MRRF: variants seen among roughly 807,000 people sequenced by gnomAD.
MRRF encodes ribosome-recycling factor, mitochondrial.
In MRRF, 18 loss-of-function variants were observed where a neutral mutation model predicts 25.1. That is an observed-to-expected ratio of 0.72 (90% CI 0.50 to 1.06). MRRF has a LOEUF of 1.06. Ranked by LOEUF, MRRF falls within the 50% of genes least tolerant of loss-of-function variation. The probability of loss-of-function intolerance (pLI) is 0.00; values close to 1 mark genes in which losing one functional copy is unlikely to be tolerated. For missense variants in MRRF, 323 were observed against 319.3 expected (o/e 1.01, Z -0.09); for synonymous variants, 113 against 112.1 (o/e 1.01, Z -0.05).
At chr9:122,266,024 T>C (rs1587990863) in intron 1 of MRRF, among the ~76,000 whole-genome samples, 1 of 152,198 alleles carries the variant, frequency 6.6e-6, no homozygotes, top group South Asian at 2.1e-4. Context: ...GAACCTACCA[T>C]AATAGTAAGG....
At chr9:122,309,241 C>T (rs913567633) in intron 5 of MRRF, among the ~76,000 whole-genome samples, 1 of 152,170 alleles carries the variant, frequency 6.6e-6, no homozygotes, top group Non-Finnish European at 1.5e-5. Flanking sequence ...ATCACATTCT[C>T]ATTTCTTTTT....
chr9:122,279,622 A>G (rs889363901), intron 2 of MRRF, among the ~76,000 whole-genome samples: 3 of 152,232 alleles, frequency 2.0e-5, no homozygotes, highest in Admixed American at 6.5e-5. Flanking sequence ...CACAGAAATT[A>G]TCTATGTATA....
rs1832414764 is a variant in MRRF, at chr9:122,270,982, C to G, written c.91C>G (p.Leu31Val). ...TATCAGACCCGTTTCAGAAGTTACA[C>G]TGAAGACAGTGCATGAAAGACAACA... Reference protein sequence around the residue: ...ASIRPVSEVTLKTVHERQHGH... With the variant: ...ASIRPVSEVTVKTVHERQHGH... The change falls in exon 2 of 7, where the codon CTG becomes GTG. Residue 31 changes from leucine to valine, a missense_variant. Coordinates refer to ENST00000344641, the MANE Select transcript of MRRF (RefSeq NM_138777.5). 1 of 1,614,210 alleles carries G rather than the reference C, an allele frequency of 6.2e-7. No individual in the cohort carries two copies. The highest frequency in any genetic ancestry group is 8.5e-7 in the Non-Finnish European group (1 of 1,180,016).
At chr9:122,275,090 ACCT>A (rs1318770098) in intron 2 of MRRF, among the ~76,000 whole-genome samples, 1 of 146,494 alleles carries the variant, frequency 6.8e-6, no homozygotes, top group Non-Finnish European at 1.5e-5. Flanking sequence ...TTACATAGTT[ACCT>A]CCTTTTTTTT....
chr9:122,282,253 A>T (rs963212936), intron 3 of MRRF, among the ~76,000 whole-genome samples: 1 of 152,184 alleles, frequency 6.6e-6, no homozygotes, highest in Non-Finnish European at 1.5e-5. Context: ...TATCTCCCAG[A>T]TAACTGACAC....
intron 3 of MRRF, among the ~76,000 whole-genome samples, chr9:122,281,475 A>G (rs886484234): frequency 2.6e-5 from 4 of 152,224 alleles, no homozygotes; most frequent in Non-Finnish European, 5.9e-5. Flanking sequence ...TATCAGAAAC[A>G]TTACCGAGTT....
chr9:122,298,695 T>A (rs1315395514), intron 5 of MRRF, among the ~76,000 whole-genome samples: 1 of 152,212 alleles, frequency 6.6e-6, no homozygotes, highest in African/African-American at 2.4e-5. Context: ...AAGCATAGTG[T>A]TAGACACTGA....
At chr9:122,294,516 T>TA (rs1193407345) in intron 5 of MRRF, among the ~76,000 whole-genome samples, 1 of 152,256 alleles carries the variant, frequency 6.6e-6, no homozygotes, top group African/African-American at 2.4e-5. Context: ...CTCATTTTTT[T>TA]ATATACTTTC....
intron 6 of MRRF, among the ~76,000 whole-genome samples, chr9:122,314,859 A>G (rs1588083705): frequency 1.3e-5 from 2 of 152,168 alleles, no homozygotes; most frequent in East Asian, 3.9e-4. Flanking sequence ...GTTCAATGTA[A>G]TATAAAGGGT....
chr9:122,282,344 G>C (rs16911584), intron 3 of MRRF, among the ~76,000 whole-genome samples: 7,134 of 152,212 alleles, frequency 0.047, 527 homozygotes, highest in African/African-American at 0.16. Flanking sequence ...TGCATACATT[G>C]ATTTATCGTC....
chr9:122,288,046 A>G (rs746633504), intron 4 of MRRF, among the ~76,000 whole-genome samples: 2 of 152,166 alleles, frequency 1.3e-5, no homozygotes, highest in African/African-American at 4.8e-5. Flanking sequence ...CACGATGCAG[A>G]TTTACATGCA....
intron 6 of MRRF, among the ~76,000 whole-genome samples, chr9:122,315,875 T>C (rs1471895733): frequency 6.6e-6 from 1 of 152,238 alleles, no homozygotes; most frequent in Non-Finnish European, 1.5e-5. Flanking sequence ...GCAAGCATTC[T>C]TGATAAAACC....
intron 1 of MRRF, among the ~76,000 whole-genome samples, chr9:122,269,132 C>CTCCA (rs1403736010): frequency 2.0e-5 from 3 of 150,822 alleles, no homozygotes; most frequent in Non-Finnish European, 4.4e-5. Flanking sequence ...TGCCACTGCA[C>CTCCA]TCCAGCCTGG....
intron 3 of MRRF, among the ~76,000 whole-genome samples, chr9:122,283,518 G>A (rs1588026702): frequency 6.6e-6 from 1 of 152,172 alleles, no homozygotes; most frequent in East Asian, 1.9e-4. Context: ...CAGGTAATTG[G>A]TCTTCAGAAT....
chr9:122,286,814 A>C (rs1441856681), intron 4 of MRRF, among the ~76,000 whole-genome samples: 1 of 152,218 alleles, frequency 6.6e-6, no homozygotes, highest in African/African-American at 2.4e-5. Context: ...TTTAAGAAAC[A>C]GTCCAAAATC....
At chr9:122,308,383 GTCT>G (rs1172581365) in intron 5 of MRRF, among the ~76,000 whole-genome samples, 2 of 143,846 alleles carry the variant, frequency 1.4e-5, no homozygotes, top group Non-Finnish European at 3.1e-5. Context: ...TACTGTTTTA[GTCT>G]TTTTTTTTTT....
chr9:122,283,837 C>T (rs1833222526), intron 3 of MRRF, among the ~76,000 whole-genome samples: 1 of 152,116 alleles, frequency 6.6e-6, no homozygotes, highest in Admixed American at 6.5e-5. Context: ...TGAATAATGC[C>T]TCTTTTCCAT....
chr9:122,304,031 A>G (rs989993601), intron 5 of MRRF, among the ~76,000 whole-genome samples: 1 of 151,018 alleles, frequency 6.6e-6, no homozygotes, highest in African/African-American at 2.5e-5. Flanking sequence ...TAGTTTGTAC[A>G]TTCCAGGAAA....
intron 5 of MRRF, among the ~76,000 whole-genome samples, chr9:122,307,581 T>TA (rs1161216637): frequency 1.3e-5 from 2 of 152,198 alleles, no homozygotes; most frequent in Non-Finnish European, 2.9e-5. Context: ...GTTGAGCTCT[T>TA]ACAATGCATA....
Sources: gnomAD v4.1 joint callset for allele counts (sites outside exome capture counted in the v4.1 genomes callset) on GRCh38, gnomAD v4.1.1 for gene constraint, MANE v1.5 for transcripts, NCBI Gene and HGNC (gene_info 2026-07-23, HGNC 2026-07-21) for gene names.